FCHO2: variants seen among roughly 807,000 people sequenced by gnomAD.
FCHO2 encodes FCH and mu domain containing endocytic adaptor 2.
FCHO2 carries 43 observed loss-of-function variants against 114.1 expected under a neutral mutation model. The observed-to-expected ratio is 0.38, with a 90% CI of 0.30 to 0.49. FCHO2 has a LOEUF of 0.49. Ranked by LOEUF, FCHO2 falls within the 20% of genes least tolerant of loss-of-function variation. The pLI, the probability that FCHO2 is intolerant of heterozygous loss-of-function variation, is 0.97. For synonymous variants in FCHO2, 293 were observed against 315.2 expected (o/e 0.93, Z 0.75); for missense variants, 807 against 950.4 (o/e 0.85, Z 1.98).
At chr5:72,979,281 A>AT (rs750346719) in intron 2 of FCHO2, among the ~76,000 whole-genome samples, 4 of 146,898 alleles carry the variant, frequency 2.7e-5, no homozygotes, top group Non-Finnish European at 5.9e-5. Flanking sequence ...TACTGCCTCA[A>AT]TTTCAGAGCT....
At chr5:73,051,854 G>GCCGTCGCACCCGGCCCAAAGT in intron 12 of FCHO2, among the ~76,000 whole-genome samples, 2 of 152,132 alleles carry the variant, frequency 1.3e-5, no homozygotes, top group African/African-American at 4.8e-5. Flanking sequence ...ACAGGTGTGA[G>GCCGTCGCACCCGGCCCAAAGT]CTAACCCGAC....
chr5:73,046,933 T>C (rs1757087805), intron 11 of FCHO2, among the ~76,000 whole-genome samples: 1 of 152,214 alleles, frequency 6.6e-6, no homozygotes, highest in Non-Finnish European at 1.5e-5. Flanking sequence ...TGTGCCTGCC[T>C]TCACAGTTCT....
chr5:72,996,103 C>T (rs1456637953), intron 5 of FCHO2, among the ~76,000 whole-genome samples: 15 of 152,072 alleles, frequency 9.9e-5, no homozygotes, highest in African/African-American at 2.9e-4. Context: ...ATTAGCCGGG[C>T]GTGGTAGCGG....
intron 5 of FCHO2, among the ~76,000 whole-genome samples, chr5:72,994,157 G>A (rs1486384649): frequency 3.9e-5 from 6 of 152,150 alleles, no homozygotes; most frequent in South Asian, 2.1e-4. Flanking sequence ...AAACGTAATG[G>A]TTTCTGCACA....
chr5:73,070,887 A>G (rs1216524827), intron 19 of FCHO2, among the ~76,000 whole-genome samples: 1 of 152,104 alleles, frequency 6.6e-6, no homozygotes, highest in Non-Finnish European at 1.5e-5. Context: ...TTTAAATACA[A>G]TAGAAGATGA....
chr5:73,042,422 A>G (rs1208798690), intron 11 of FCHO2, among the ~76,000 whole-genome samples: 1 of 152,208 alleles, frequency 6.6e-6, no homozygotes, highest in Admixed American at 6.5e-5. Flanking sequence ...AATTAAATAC[A>G]ACTTTAATAC....
intron 21 of FCHO2, among the ~76,000 whole-genome samples, chr5:73,077,859 T>A (rs1202876143): frequency 2.6e-5 from 4 of 152,068 alleles, no homozygotes; most frequent in East Asian, 1.9e-4. Flanking sequence ...CAAAAAAAAA[T>A]GTTTTCCCCC....
chr5:73,017,239 G>T lies in FCHO2; in HGVS notation c.727G>T (p.Ala243Ser). The change falls in exon 8 of 26, where the codon GCT (alanine) becomes TCT (serine). Residue 243 changes from alanine to serine, a missense_variant. By Grantham distance (99) the Ala-to-Ser change is moderately conservative. Transcript: ENST00000430046. ...QVHEEFINNM[A>S]NTTVESLIQK... ...CCATGAAGAATTTATAAATAACATG[G>T]CTAATACTACAGTTGAAAGTTTGAT... 1 of 1,552,518 alleles carries T rather than the reference G, an allele frequency of 6.4e-7. No homozygotes were observed. Among genetic ancestry groups the T allele is most frequent in the Admixed American group, 1.9e-5 (1 of 51,604 alleles).
intron 1 of FCHO2, among the ~76,000 whole-genome samples, chr5:72,967,699 A>G (rs1275443455): frequency 6.6e-6 from 1 of 152,148 alleles, no homozygotes; most frequent in East Asian, 1.9e-4. Flanking sequence ...AGCTCACTGC[A>G]ACCTCCACCT....
At chr5:73,024,133 C>T (rs1755786647) in intron 8 of FCHO2, among the ~76,000 whole-genome samples, 1 of 152,000 alleles carries the variant, frequency 6.6e-6, no homozygotes, top group Non-Finnish European at 1.5e-5. Flanking sequence ...AATCATAGCT[C>T]ACTGTAGCTT....
intron 8 of FCHO2, among the ~76,000 whole-genome samples, chr5:73,019,691 C>T (rs1755506898): frequency 6.6e-6 from 1 of 152,076 alleles, no homozygotes; most frequent in Non-Finnish European, 1.5e-5. Context: ...AGTCATAAAC[C>T]ATGCTGCAAA....
At chr5:73,000,523 C>G (rs1302880512) in intron 5 of FCHO2, among the ~76,000 whole-genome samples, 1 of 150,122 alleles carries the variant, frequency 6.7e-6, no homozygotes, top group Non-Finnish European at 1.5e-5. Flanking sequence ...CGCCTGTAAT[C>G]CCAGCACTTT....
intron 23 of FCHO2, 43 bp from the exon 24 acceptor site, chr5:73,082,717 AC>A: frequency 6.8e-7 from 1 of 1,479,792 alleles, no homozygotes; most frequent in Non-Finnish European, 9.2e-7. Flanking sequence ...TGTATCAGGT[AC>A]TATACTAGAC....
At chr5:73,014,363 A>T (rs1280374590) in intron 6 of FCHO2, among the ~76,000 whole-genome samples, 3 of 145,316 alleles carry the variant, frequency 2.1e-5, no homozygotes, top group African/African-American at 7.7e-5. Context: ...ATCTCGGCTC[A>T]CTGCAACCCC....
At chr5:72,966,767 AAC>A (rs1251060566) in intron 1 of FCHO2, among the ~76,000 whole-genome samples, 1 of 152,250 alleles carries the variant, frequency 6.6e-6, no homozygotes, top group Non-Finnish European at 1.5e-5. Flanking sequence ...CTTATGGTAT[AAC>A]ACTTTCCAAC....
intron 10 of FCHO2, among the ~76,000 whole-genome samples, chr5:73,038,689 A>G (rs1379543432): frequency 2.0e-5 from 3 of 152,262 alleles, no homozygotes; most frequent in South Asian, 2.1e-4. Flanking sequence ...CCCTCTCCCA[A>G]GTAGTATTTG....
chr5:72,968,069 T>C (rs982660871), intron 1 of FCHO2, among the ~76,000 whole-genome samples: 1 of 151,618 alleles, frequency 6.6e-6, no homozygotes, highest in Admixed American at 6.6e-5. Context: ...GGACTACAGG[T>C]GCCCACCACC....
chr5:73,034,039 T>C (rs993775631), intron 8 of FCHO2, among the ~76,000 whole-genome samples: 1 of 152,234 alleles, frequency 6.6e-6, no homozygotes, highest in African/African-American at 2.4e-5. Flanking sequence ...CTGTAAGCTG[T>C]AGTTCACATT....
At chr5:73,063,379 A>C (rs1394334644) in intron 17 of FCHO2, among the ~76,000 whole-genome samples, 1 of 152,056 alleles carries the variant, frequency 6.6e-6, no homozygotes, top group Non-Finnish European at 1.5e-5. Flanking sequence ...ATGTGGTTCA[A>C]CTTAAAAGGC....
Sources: allele counts gnomAD v4.1 joint callset (sites outside exome capture counted in the v4.1 genomes callset), GRCh38; gene constraint gnomAD v4.1.1; transcripts MANE v1.5; gene names NCBI Gene and HGNC (gene_info 2026-07-23, HGNC 2026-07-21).